ACSM3: variants seen among roughly 807,000 people sequenced by gnomAD.
The protein encoded by ACSM3 is acyl-coenzyme A synthetase ACSM3, mitochondrial.
Under a neutral mutation model 74.1 loss-of-function variants are expected in ACSM3, and 61 were observed. That is an observed-to-expected ratio of 0.82 (90% confidence interval 0.67 to 1.02). The LOEUF (loss-of-function observed/expected upper bound fraction) is 1.02, where lower values mean the gene tolerates loss of function less well. Ranked by LOEUF, ACSM3 falls within the 50% of genes least tolerant of loss-of-function variation. ACSM3 has a pLI of 0.00. For missense variants in ACSM3, 660 were observed against 697.0 expected (o/e 0.95, Z 0.60); for synonymous variants, 213 against 241.5 (o/e 0.88, Z 1.09).
At chr16:20,742,143 A>G in intron 1 of ACSM3, 1 of 969,736 alleles carries the variant, frequency 1.0e-6, no homozygotes. Flanking sequence ...ATTAAATTTG[A>G]ACTCAATTGA....
At chr16:20,685,443 A>G (rs2079530233) in intron 1 of ACSM3, 3 of 1,589,900 alleles carry the variant, frequency 1.9e-6, no homozygotes, top group Non-Finnish European at 2.6e-6. Flanking sequence ...TTCTGCTTCA[A>G]AGAAAAAGGG....
At chr16:20,769,923 T>C in intron 1 of ACSM3, 61 bp from the exon 2 acceptor site, 1 of 1,013,478 alleles carries the variant, frequency 9.9e-7, no homozygotes, top group Non-Finnish European at 1.5e-6. Context: ...ACTTAGCCAC[T>C]TTGGGGTATG....
At chr16:20,728,151 G>T (rs1263302846) in intron 1 of ACSM3, 6 of 286,906 alleles carry the variant, frequency 2.1e-5, no homozygotes, top group South Asian at 4.7e-5. Context: ...TGCAAAGTTT[G>T]TCCTCTCAAT....
At chr16:20,767,516 C>CA (rs772094919) in intron 1 of ACSM3, among the ~76,000 whole-genome samples, 2,885 of 4,482 alleles carry the variant, frequency 0.64, 1,198 homozygotes, top group Middle Eastern at 0.75. Flanking sequence ...GACTCCGTCT[C>CA]AAAAAAAAAA....
rs139352847 is a variant in ACSM3, at chr16:20,701,436, A to C, written c.-190+26614A>C. Among the ~76,000 whole-genome samples the C allele has an allele frequency of 5.4e-3, 821 of 152,284 alleles. 13 individuals carry two copies. The highest frequency in any genetic ancestry group is 0.019 in the African/African-American group (790 of 41,564). ...AATAATGTTCGGAAGACACTTGACA[A>C]TGTCTACCATACAGCAAGTGCTTTT... On this transcript the variant is annotated intron_variant, in intron 1 of 3. Transcript: ENST00000561584.
chr16:20,724,418 A>G (rs1461423927), intron 1 of ACSM3, among the ~76,000 whole-genome samples: 3 of 152,196 alleles, frequency 2.0e-5, no homozygotes, highest in Non-Finnish European at 2.9e-5. Context: ...CCCACAGCCA[A>G]TATCATACTG....
intron 4 of ACSM3, among the ~76,000 whole-genome samples, chr16:20,778,708 G>C (rs2080289106): frequency 6.6e-6 from 1 of 151,924 alleles, no homozygotes; most frequent in Non-Finnish European, 1.5e-5. Flanking sequence ...CTCAGGTTTT[G>C]AGGGCAACCG....
At chr16:20,728,382 T>C in intron 1 of ACSM3, 1 of 1,400,722 alleles carries the variant, frequency 7.1e-7, no homozygotes, top group Non-Finnish European at 9.9e-7. Flanking sequence ...GTTTCTTTCA[T>C]TCTAGATTAT....
In ACSM3 at chr16:20,737,746, C is replaced by T. The variant is rs760112203; in HGVS notation, c.-189-12164C>T. 1.2e-6 allele frequency: 2 copies of T among 1,613,538 alleles called. No homozygotes were observed. The highest frequency in any genetic ancestry group is 1.7e-5 in the Admixed American group (1 of 59,960). ...GATAACTTCTTCTCTATTCACATGA[C>T]TGTTATTTCGAGATTTGTACACAAT... On this transcript the variant is annotated intron_variant, in intron 1 of 3. Coordinates refer to the ACSM3 transcript ENST00000561584.
At chr16:20,685,826 AAAAAACAAAC>A (rs1487369392) in intron 1 of ACSM3, among the ~76,000 whole-genome samples, 1 of 127,806 alleles carries the variant, frequency 7.8e-6, no homozygotes, top group Admixed American at 7.6e-5. Flanking sequence ...TCTCAAAAAA[AAAAAACAAAC>A]AAAAAAAAAA....
chr16:20,689,332 A>G (rs1195720962), intron 1 of ACSM3, among the ~76,000 whole-genome samples: 1 of 152,272 alleles, frequency 6.6e-6, no homozygotes, highest in East Asian at 1.9e-4. Context: ...GAAGAAAATC[A>G]AAGTGTGTCA....
chr16:20,717,925 GAGAAGGAGA>G (rs2079768726), intron 1 of ACSM3, among the ~76,000 whole-genome samples: 3 of 116,478 alleles, frequency 2.6e-5, no homozygotes, highest in Non-Finnish European at 3.8e-5. Flanking sequence ...GAAGAAGGAG[GAGAAGGAGA>G]AGGAGAAGAG....
At chr16:20,738,065 T>C (rs2079886030) in intron 1 of ACSM3, 1 of 1,051,818 alleles carries the variant, frequency 9.5e-7, no homozygotes, top group African/African-American at 1.6e-5. Context: ...GAAATTCTCA[T>C]AATGAATTTT....
At position 20,718,316 on chromosome 16, in the gene ACSM3, C is replaced by T. The variant is rs188565410; in HGVS notation, c.-189-31594C>T. The T allele has an allele frequency of 2.7e-4, 182 of 663,376 alleles. 2 individuals are homozygous for T. In the East Asian group the frequency reaches 4.3e-3, roughly 16 times the overall value. 41.1% of individuals were successfully genotyped at this position (663,376 alleles called of 1,614,324 possible). On this transcript the variant is annotated intron_variant, in intron 1 of 3. Transcript: ENST00000561584. ...TATCAGAGTTAAACTGGCCATCTTA[C>T]ACCACCATCTTGGGGTCCATCCATA...
chr16:20,685,607 G>A (rs1567310648), intron 1 of ACSM3, among the ~76,000 whole-genome samples: 1 of 151,856 alleles, frequency 6.6e-6, no homozygotes, highest in Non-Finnish European at 1.5e-5. Context: ...TGATCATGAG[G>A]TCAGGAGTTC....
In ACSM3 at chr16:20,790,831, C is replaced by G. The variant is rs2080581382; in HGVS notation, c.1326+143C>G. On this transcript the variant is annotated intron_variant, in intron 10 of 13. Coordinates refer to ENST00000289416, the MANE Select transcript of ACSM3 (RefSeq NM_005622.4). This position sits in a 1 kb window ranked among gnomAD's most constrained non-coding sequence, Gnocchi z 4.0. The stretch of plus-strand genomic sequence containing the variant: ...TTGTCCTGAATAGTAATCCAAAAGA[C>G]AAGAAATTGAAGAAATACCCAAATT... The G allele has an allele frequency of 1.2e-6, 2 of 1,613,740 alleles. No individual in the cohort carries two copies. The highest frequency in any genetic ancestry group is 1.7e-6 in the Non-Finnish European group (2 of 1,179,908).
At chr16:20,786,231 T>C in intron 9 of ACSM3, 73 bp downstream of exon 9, 1 of 1,531,460 alleles carries the variant, frequency 6.5e-7, no homozygotes, top group Non-Finnish European at 8.8e-7. Context: ...CTTACCCCCA[T>C]ATAAACTTTC....
intron 1 of ACSM3, among the ~76,000 whole-genome samples, chr16:20,719,913 T>C (rs1260446201): frequency 6.6e-6 from 1 of 152,230 alleles, no homozygotes; most frequent in Non-Finnish European, 1.5e-5. Flanking sequence ...GATTGAGATA[T>C]CAGATAATTC....
At chr16:20,741,481 G>GGGGGGGGGGGGCGCC in intron 1 of ACSM3, 5 of 1,308,412 alleles carry the variant, frequency 3.8e-6, no homozygotes, top group Non-Finnish European at 4.9e-6. Context: ...CTGGCAGCCG[G>GGGGGGGGGGGGCGCC]CCCGCCCGCC....
Sources: allele counts gnomAD v4.1 joint callset (sites outside exome capture counted in the v4.1 genomes callset), GRCh38; gene constraint gnomAD v4.1.1; non-coding constraint Gnocchi (gnomAD v3.1); transcripts MANE v1.5; gene names NCBI Gene and HGNC (gene_info 2026-07-23, HGNC 2026-07-21).